Variants in LARGE1 observed in about 807,000 individuals in gnomAD.
LARGE1 encodes xylosyl- and glucuronyltransferase LARGE1.
Under a neutral mutation model 87.6 loss-of-function variants are expected in LARGE1, and 43 were observed. The observed-to-expected ratio is 0.49, with a 90% confidence interval of 0.38 to 0.63. The LOEUF (loss-of-function observed/expected upper bound fraction) is 0.63. Ranked by LOEUF, LARGE1 falls within the 30% of genes least tolerant of loss-of-function variation. The probability of loss-of-function intolerance (pLI) is 0.00; values close to 1 mark genes in which losing one functional copy is unlikely to be tolerated. For missense variants in LARGE1, 802 were observed against 1,000.2 expected, an observed-to-expected ratio of 0.80 and a Z score of 2.67; for synonymous variants, 434 against 394.6, an observed-to-expected ratio of 1.10 and a Z score of -1.18.
Position 33,274,022 on chromosome 22 carries a change from G to A in LARGE1, c.*405C>T, listed in dbSNP as rs527626479. The A allele has an allele frequency of 2.1e-4, 70 of 334,508 alleles. No homozygotes were observed. Among genetic ancestry groups the A allele is most frequent in the Non-Finnish European group, 3.5e-4 (65 of 183,430 alleles). 20.7% of individuals were successfully genotyped at this position (334,508 alleles called of 1,614,324 possible). A position where few individuals can be genotyped will look rare whatever the true frequency, so the allele number is the denominator to read the frequency against. On this transcript the variant is annotated 3_prime_UTR_variant, in exon 15 of 15. Transcript: ENST00000397394. The stretch of plus-strand genomic sequence containing the variant: ...CAATTTCACTTCTATTTCCTGGGAC[G>A]AATAACCCCTAGAACCCTGACTTCC...
At position 33,369,389 on chromosome 22, in the gene LARGE1, A is replaced by G. The variant is rs977699615; in HGVS notation, c.1131+12530T>C. ...GCTAATTACAAGGCTTTCCTCATGC[A>G]TGTTTTTGGATCAACAGCCACAACA... On this transcript the variant is annotated intron_variant, in intron 9 of 14. Coordinates refer to ENST00000397394, the MANE Select transcript of LARGE1 (RefSeq NM_133642.5). Among the ~76,000 whole-genome samples the G allele has an allele frequency of 2.6e-5, 4 of 152,138 alleles. No individual in the cohort carries two copies. In the South Asian group the frequency reaches 8.3e-4, roughly 31 times the overall value.
At chr22:33,144,135 T>C in the LARGE1 span, among the ~76,000 whole-genome samples, 1 of 152,190 alleles carries the variant, frequency 6.6e-6, no homozygotes, top group African/African-American at 2.4e-5. Flanking sequence ...CTTTTATAAC[T>C]TCACTTCGAT....
intron 9 of LARGE1, among the ~76,000 whole-genome samples, chr22:33,357,112 G>A (rs1383550300): frequency 1.3e-5 from 2 of 152,200 alleles, no homozygotes; most frequent in Admixed American, 1.3e-4. Context: ...TACAGAGTCA[G>A]CCTAAGTGTC....
At chr22:33,207,124 T>C (rs1052455657) in intron 11 of LARGE1, among the ~76,000 whole-genome samples, 13 of 93,182 alleles carry the variant, frequency 1.4e-4, no homozygotes, top group Admixed American at 1.1e-3. Flanking sequence ...GAAAGCATGG[T>C]TTTCCTCTTC....
At chr22:33,429,434 G>GGTGGTTT (rs1451167068) in intron 7 of LARGE1, among the ~76,000 whole-genome samples, 2 of 152,276 alleles carry the variant, frequency 1.3e-5, no homozygotes, top group Admixed American at 6.5e-5. Context: ...GGGAACTGGA[G>GGTGGTTT]GTGGTTTACG....
At chr22:33,101,170 C>A in the LARGE1 span, among the ~76,000 whole-genome samples, 3 of 152,240 alleles carry the variant, frequency 2.0e-5, no homozygotes, top group Admixed American at 6.5e-5. Context: ...CACATCCATT[C>A]GTGGTCTTAT....
At chr22:33,438,622 G>C (rs957675402) in intron 6 of LARGE1, among the ~76,000 whole-genome samples, 4 of 152,028 alleles carry the variant, frequency 2.6e-5, no homozygotes, top group African/African-American at 7.3e-5. Flanking sequence ...TTGGCTCAAG[G>C]CCCGGCTCCT....
chr22:33,909,921 T>G (rs562670840), intron 1 of LARGE1, among the ~76,000 whole-genome samples: 1 of 152,278 alleles, frequency 6.6e-6, no homozygotes, highest in South Asian at 2.1e-4. Flanking sequence ...TATTTGTGCT[T>G]GCCAAACTAC....
At chr22:33,802,009 A>T (rs1166739071) in intron 1 of LARGE1, among the ~76,000 whole-genome samples, 1 of 151,294 alleles carries the variant, frequency 6.6e-6, no homozygotes, top group Non-Finnish European at 1.5e-5. Context: ...AGTCCTCTGA[A>T]AAAATGCCTG....
At chr22:33,349,264 T>C (rs541757934) in intron 9 of LARGE1, among the ~76,000 whole-genome samples, 2 of 152,340 alleles carry the variant, frequency 1.3e-5, no homozygotes, top group East Asian at 3.9e-4. Flanking sequence ...TCTGCCTCCA[T>C]AACCCATGGG....
At chr22:33,782,884 TA>T (rs397952057) in intron 1 of LARGE1, among the ~76,000 whole-genome samples, 84 of 125,458 alleles carry the variant, frequency 6.7e-4, no homozygotes, top group African/African-American at 2.2e-3. Flanking sequence ...AAATCAAGTT[TA>T]AAAAAAAAAA....
intron 1 of LARGE1, among the ~76,000 whole-genome samples, chr22:33,839,953 C>G (rs989306347): frequency 1.3e-5 from 2 of 152,136 alleles, no homozygotes; most frequent in African/African-American, 4.8e-5. Context: ...CCCTAAAGCC[C>G]AGGCACCTTC....
chr22:33,518,821 G>A (rs933603783), intron 6 of LARGE1, among the ~76,000 whole-genome samples: 14 of 152,154 alleles, frequency 9.2e-5, no homozygotes, highest in East Asian at 5.8e-4. Flanking sequence ...GGTACTGACC[G>A]TGGGGGTTTA....
intron 6 of LARGE1, among the ~76,000 whole-genome samples, chr22:33,523,559 GCCA>G (rs1476978425): frequency 2.0e-5 from 3 of 152,082 alleles, no homozygotes; most frequent in Non-Finnish European, 2.9e-5. Flanking sequence ...CTTAATGAAG[GCCA>G]CCACATTAGA....
chr22:33,263,078 G>A (rs901855674), intron 11 of LARGE1, among the ~76,000 whole-genome samples: 6 of 151,956 alleles, frequency 3.9e-5, no homozygotes, highest in Non-Finnish European at 7.4e-5. Flanking sequence ...ATTTTTAGTC[G>A]AGACGAGGTT....
At chr22:33,490,361 C>G (rs935938687) in intron 6 of LARGE1, among the ~76,000 whole-genome samples, 2 of 152,134 alleles carry the variant, frequency 1.3e-5, no homozygotes, top group Admixed American at 6.6e-5. Flanking sequence ...TTCTTTCCAC[C>G]TCATTCGTCT....
intron 6 of LARGE1, among the ~76,000 whole-genome samples, chr22:33,510,813 C>A (rs949498585): frequency 3.3e-5 from 5 of 152,158 alleles, no homozygotes; most frequent in African/African-American, 1.2e-4. Flanking sequence ...TCTTGAACTC[C>A]TGAACTCAAG....
In LARGE1 at chr22:33,424,827, G is replaced by GAGC. The variant is rs562308026; in HGVS notation, c.892+7331_892+7333dup. ...CCACTGTACTCCAGCCTGACTGACA[G>GAGC]AGCAAGACCCTATCTCAAAAAATAA... is the stretch of plus-strand genomic sequence containing the variant. On this transcript the variant is annotated intron_variant, in intron 7 of 14. Coordinates refer to ENST00000397394, the MANE Select transcript of LARGE1 (RefSeq NM_133642.5). 2.9e-3 allele frequency among the ~76,000 whole-genome samples: 444 copies of GAGC among 152,188 alleles called. 15 individuals are homozygous for GAGC. In the South Asian group the frequency reaches 0.054, roughly 19 times the overall value.
intron 7 of LARGE1, among the ~76,000 whole-genome samples, chr22:33,402,840 C>T (rs374243758): frequency 1.3e-5 from 2 of 152,250 alleles, no homozygotes; most frequent in East Asian, 1.9e-4. Flanking sequence ...TGAGAGCTAA[C>T]GGTGATGGCA....
Sources: allele counts gnomAD v4.1 joint callset (sites outside exome capture counted in the v4.1 genomes callset), GRCh38; gene constraint gnomAD v4.1.1; transcripts MANE v1.5; gene names NCBI Gene and HGNC (gene_info 2026-07-23, HGNC 2026-07-21).